RUVBL2: variants seen among roughly 807,000 people sequenced by gnomAD.
RUVBL2 encodes the protein ruvB-like 2.
In RUVBL2, 9 loss-of-function variants were observed where a neutral mutation model predicts 57.9. That is an observed-to-expected ratio of 0.16 (90% confidence interval 0.09 to 0.27). The LOEUF (loss-of-function observed/expected upper bound fraction) is 0.27, where lower values mean the gene tolerates loss of function less well. RUVBL2 is among the 10% of genes least tolerant of loss of function. The pLI, the probability that RUVBL2 is intolerant of heterozygous loss-of-function variation, is 1.00. For missense variants in RUVBL2, 456 were observed against 669.6 expected, an observed-to-expected ratio of 0.68 and a Z score of 3.52; for synonymous variants, 278 against 264.6, an observed-to-expected ratio of 1.05 and a Z score of -0.49.
At chr19:49,005,637 TTCA>T (rs1005861598) in intron 4 of RUVBL2, among the ~76,000 whole-genome samples, 2 of 147,252 alleles carry the variant, frequency 1.4e-5, no homozygotes, top group Non-Finnish European at 3.0e-5. Flanking sequence ...CCTACTCTTC[TTCA>T]TTTTTTTTTT....
intron 11 of RUVBL2, among the ~76,000 whole-genome samples, chr19:49,013,036 T>C (rs1316952780): frequency 6.6e-6 from 1 of 152,206 alleles, no homozygotes; most frequent in Non-Finnish European, 1.5e-5. Flanking sequence ...CGATCTCGGC[T>C]CACTGCAACC....
In RUVBL2 at chr19:49,010,480, C is replaced by CCCCCACA; in HGVS notation, c.664-5_664-4insCACACCC. On this transcript the variant is annotated splice_polypyrimidine_tract_variant and splice_region_variant and intron_variant, in intron 8 of 14. Transcript: ENST00000595090. ...CTCCGCCGTTCTTCCCCCACCCCCGCCCCATAGACCAAGTTCGTGCAGTGC... is the reference window on the plus strand; with the variant it reads ...CTCCGCCGTTCTTCCCCCACCCCCGCCCCCACACCCATAGACCAAGTTCGTGCAGTGC... 6.3e-7 allele frequency: 1 copy of CCCCCACA among 1,598,804 alleles called. No homozygotes were observed. The highest frequency in any genetic ancestry group is 8.6e-7 in the Non-Finnish European group (1 of 1,167,782).
At chr19:48,999,721 G>A (rs1326893491) in intron 2 of RUVBL2, among the ~76,000 whole-genome samples, 2 of 152,138 alleles carry the variant, frequency 1.3e-5, no homozygotes, top group East Asian at 1.9e-4. Flanking sequence ...GGACGAGGTC[G>A]TGTCATTCCT....
chr19:49,004,155 T>G, intron 3 of RUVBL2, 122 bp from the exon 4 acceptor site: 1 of 1,371,034 alleles, frequency 7.3e-7, no homozygotes, highest in Non-Finnish European at 9.9e-7. Flanking sequence ...GGAAAGCTTT[T>G]TTGGCTTTTC....
In RUVBL2 at chr19:49,012,843, C is replaced by CCACACACACACACACACACACA. The variant is rs58302006; in HGVS notation, c.1001+1553_1001+1574dup. Among the ~76,000 whole-genome samples, 62 of 141,900 alleles carry CCACACACACACACACACACACA rather than the reference C, an allele frequency of 4.4e-4. 1 individual carries two copies. The highest frequency in any genetic ancestry group is 1.3e-3 in the African/African-American group (50 of 37,908). 93.1% of individuals were successfully genotyped at this position (141,900 alleles called of 152,430 possible). ...TGGCACACTGCAGCCTCAGTGCCCA[C>CCACACACACACACACACACACA]CACACACACACACACACACACACAC... On this transcript the variant is annotated intron_variant, in intron 11 of 14. Coordinates refer to ENST00000595090, the MANE Select transcript of RUVBL2 (RefSeq NM_006666.3).
At position 49,015,663 on chromosome 19, in the gene RUVBL2, A is replaced by G. The variant is rs1250706200; in HGVS notation, c.1343A>G (p.Asp448Gly). 6.2e-7 allele frequency: 1 copy of G among 1,614,038 alleles called. No homozygotes were observed. The highest frequency in any genetic ancestry group is 1.7e-5 in the Admixed American group (1 of 60,016). The change falls in exon 14 of 15, where the codon GAC becomes GGC. Residue 448 changes from aspartate (D) to glycine (G), a missense_variant. Physicochemically the swap from Asp to Gly is moderately conservative, Grantham distance 94 (BLOSUM62 -1). Around this residue, in one of 5 missense-constraint regions of RUVBL2, gnomAD observed 67 missense variants for 71.5 expected, o/e 0.94. Transcript: ENST00000595090. ...RSTQYMKEYQDAFLFNELKGE... is the reference protein window; with the variant it reads ...RSTQYMKEYQGAFLFNELKGE... ...ACGCAGTACATGAAGGAGTACCAGG[A>G]CGCCTTCCTCTTCAACGAACTCAGT...
chr19:48,998,565 C>T (rs1032172354), intron 1 of RUVBL2, among the ~76,000 whole-genome samples: 1 of 151,712 alleles, frequency 6.6e-6, no homozygotes, highest in Non-Finnish European at 1.5e-5. Flanking sequence ...AAAAATTAGC[C>T]AAGTGTGGTG....
chr19:49,007,013 C>T lies in RUVBL2; in HGVS notation c.266-5C>T, dbSNP rs2039294174. 1 of 1,612,544 alleles carries T rather than the reference C, an allele frequency of 6.2e-7. No homozygotes were observed. Among genetic ancestry groups the T allele is most frequent in the African/African-American group, 1.3e-5 (1 of 75,072 alleles). On this transcript the variant is annotated splice_region_variant and splice_polypyrimidine_tract_variant and intron_variant, in intron 4 of 14. Transcript: ENST00000595090. Reference sequence around the variant, plus strand: ...CTTCACCTACACAGACTGCCTCCTTCCCAGGCATGGCGCAGGCCCTGGGCC... The same window carrying T: ...CTTCACCTACACAGACTGCCTCCTTTCCAGGCATGGCGCAGGCCCTGGGCC...
chr19:49,008,407 AT>A (rs2039328540), intron 6 of RUVBL2, among the ~76,000 whole-genome samples: 1 of 149,210 alleles, frequency 6.7e-6, no homozygotes, highest in Admixed American at 6.6e-5. Flanking sequence ...CGCCCGGCTA[AT>A]TTTTTGTATT....
intron 6 of RUVBL2, 40 bp downstream of exon 6, chr19:49,007,408 C>T (rs1271460325): frequency 1.9e-6 from 3 of 1,585,702 alleles, no homozygotes; most frequent in African/African-American, 1.3e-5. Flanking sequence ...AGGCCACCTC[C>T]AGCGCCAGGG....
chr19:49,010,173 T>C, intron 8 of RUVBL2, 107 bp downstream of exon 8: 1 of 1,049,302 alleles, frequency 9.5e-7, no homozygotes, highest in Non-Finnish European at 1.4e-6. Flanking sequence ...TTACCCTGAC[T>C]GTTTGTCCTG....
intron 3 of RUVBL2, 105 bp downstream of exon 3, chr19:49,003,439 C>T (rs2039222676): frequency 9.8e-7 from 1 of 1,015,936 alleles, no homozygotes; most frequent in Non-Finnish European, 1.5e-6. Context: ...GTCTTCTGGA[C>T]CTTTGGCTAC....
intron 11 of RUVBL2, among the ~76,000 whole-genome samples, chr19:49,012,689 T>C (rs1253098858): frequency 6.6e-6 from 1 of 152,262 alleles, no homozygotes; most frequent in Non-Finnish European, 1.5e-5. Context: ...CAACACTGCC[T>C]GCTCCCTTAG....
rs570311533 is a variant in RUVBL2 at position 48,998,899 on chromosome 19, G to A, written c.13-420G>A. On this transcript the variant is annotated intron_variant, in intron 1 of 14. Coordinates refer to ENST00000595090, the MANE Select transcript of RUVBL2 (RefSeq NM_006666.3). ...AAAAATTAGCCGGGTGTGTTGATGC[G>A]CGCCTGTAATCCCAGCTAGTCAGGA... 9.3e-5 allele frequency among the ~76,000 whole-genome samples: 14 copies of A among 151,088 alleles called. No homozygotes were observed. In the East Asian group the frequency reaches 2.2e-3, roughly 23 times the overall value.
intron 4 of RUVBL2, 98 bp from the exon 5 acceptor site, chr19:49,006,920 T>C (rs1239406405): frequency 3.3e-6 from 5 of 1,513,566 alleles, no homozygotes; most frequent in East Asian, 2.3e-5. Context: ...CACTGAACCC[T>C]CTTTCCTGGG....
At chr19:49,008,927 C>T (rs952566770) in intron 6 of RUVBL2, among the ~76,000 whole-genome samples, 6 of 151,024 alleles carry the variant, frequency 4.0e-5, no homozygotes, top group Middle Eastern at 3.4e-3. Context: ...TGCAGTAAGC[C>T]GAGATCACAC....
In RUVBL2 at chr19:49,015,636, C is replaced by G. The variant is rs752157390; in HGVS notation, c.1316C>G (p.Ser439Cys). Residue 439 changes from serine (S) to cysteine (C), a missense_variant, in exon 14 of 15, where the codon TCC becomes TGC. Coordinates refer to ENST00000595090, the MANE Select transcript of RUVBL2 (RefSeq NM_006666.3). ...TCACTCTTCCTGGACGAGTCCCGCT[C>G]CACGCAGTACATGAAGGAGTACCAG... ...VYSLFLDESR[S>C]TQYMKEYQDA... The G allele has an allele frequency of 6.6e-5, 106 of 1,613,996 alleles. No homozygotes were observed. The highest frequency in any genetic ancestry group is 8.3e-5 in the Admixed American group (5 of 60,000).
rs1600160765 is a variant in RUVBL2, at chr19:48,993,937, C to T, written c.12+14C>T. 6.2e-7 allele frequency: 1 copy of T among 1,613,820 alleles called. No homozygotes were observed. The highest frequency in any genetic ancestry group is 2.2e-5 in the East Asian group (1 of 44,860). On this transcript the variant is annotated intron_variant, in intron 1 of 14. Transcript: ENST00000595090. The stretch of plus-strand genomic sequence containing the variant: ...ATGGCAACCGTTGTAAGTGTGGGTG[C>T]ATGGAGGGTGAGGAGCGAGCTAGCA...
In RUVBL2 at chr19:49,011,408, G is replaced by T; in HGVS notation, c.1001+98G>T. On this transcript the variant is annotated intron_variant, in intron 11 of 14. Coordinates refer to ENST00000595090, the MANE Select transcript of RUVBL2 (RefSeq NM_006666.3). The surrounding 1 kb of genome is among the most constrained non-coding windows in gnomAD (Gnocchi z 4.4). ...GAGCCTGTGTTGACACCGGGTCAGGGAGGGACGCGTGACTGCAGTGTGCGC... is the reference window on the plus strand; with the variant it reads ...GAGCCTGTGTTGACACCGGGTCAGGTAGGGACGCGTGACTGCAGTGTGCGC... 1 of 965,334 alleles carries T rather than the reference G, an allele frequency of 1.0e-6. No homozygotes were observed. The allele number at this position is 965,334 out of a possible 1,614,324, so 59.8% of individuals were successfully genotyped here.
Sources: gnomAD v4.1 joint callset for allele counts (sites outside exome capture counted in the v4.1 genomes callset) on GRCh38, gnomAD v4.1.1 for gene constraint, gnomAD v4.1.1 regional missense constraint, Gnocchi (gnomAD v3.1) non-coding constraint, MANE v1.5 for transcripts, NCBI Gene and HGNC (gene_info 2026-07-23, HGNC 2026-07-21) for gene names.